The following PSME4 variants were observed in gnomAD, a reference collection of about 807,000 sequenced individuals.
PSME4 encodes the protein proteasome activator complex subunit 4.
In PSME4, 89 loss-of-function variants were observed where a neutral mutation model predicts 253.9. The ratio of observed to expected loss-of-function variants is 0.35; its 90% CI spans 0.30 to 0.42. PSME4 has a LOEUF of 0.42. PSME4 is among the 10% of genes least tolerant of loss of function. The probability of loss-of-function intolerance (pLI) is 1.00; values close to 1 mark genes in which losing one functional copy is unlikely to be tolerated. For missense variants in PSME4, 2,014 were observed against 2,195.2 expected, an observed-to-expected ratio of 0.92 and a Z score of 1.65; for synonymous variants, 851 against 759.2, an observed-to-expected ratio of 1.12 and a Z score of -1.99.
intron 1 of PSME4, among the ~76,000 whole-genome samples, chr2:53,961,590 A>AAC (rs2104488423): frequency 6.6e-6 from 1 of 152,278 alleles, no homozygotes. Context: ...AGATGGGAAG[A>AAC]TCGCTTGAGC....
intron 1 of PSME4, among the ~76,000 whole-genome samples, chr2:53,961,010 G>A (rs955879577): frequency 6.6e-6 from 1 of 152,192 alleles, no homozygotes; most frequent in African/African-American, 2.4e-5. Flanking sequence ...AGGAGGCTGA[G>A]GCAGGAGAAT....
rs1668664090 is a variant in PSME4, at chr2:53,928,320, G to T, written c.1317-17C>A. 1 of 1,602,990 alleles carries T rather than the reference G, an allele frequency of 6.2e-7. No homozygotes were observed. The highest frequency in any genetic ancestry group is 1.7e-5 in the Admixed American group (1 of 59,648). On this transcript the variant is annotated splice_polypyrimidine_tract_variant and intron_variant, in intron 10 of 46. Transcript: ENST00000404125. ...GGATATGTTCTACAGTTTGAAAACA[G>T]AATTTTTAAAGTCTCCATCACAGAT...
At chr2:53,874,231 G>C in intron 43 of PSME4, 108 bp downstream of exon 43, 1 of 1,132,774 alleles carries the variant, frequency 8.8e-7, no homozygotes, top group East Asian at 2.4e-5. Context: ...AAGAGTTGAG[G>C]TTATAAATAT....
chr2:53,898,193 C>T (rs1573238486), intron 30 of PSME4, 108 bp downstream of exon 30: 1 of 1,242,334 alleles, frequency 8.0e-7, no homozygotes, highest in East Asian at 2.5e-5. Context: ...AATACACAAA[C>T]CGGAATATAA....
intron 35 of PSME4, among the ~76,000 whole-genome samples, chr2:53,893,333 C>T (rs1423861407): frequency 6.6e-6 from 1 of 151,916 alleles, no homozygotes; most frequent in African/African-American, 2.4e-5. Flanking sequence ...GATCCCCACC[C>T]CAAAATACCA....
At chr2:53,960,467 G>A (rs890715844) in intron 1 of PSME4, among the ~76,000 whole-genome samples, 10 of 150,876 alleles carry the variant, frequency 6.6e-5, no homozygotes, top group East Asian at 1.9e-4. Flanking sequence ...TGCATATTTC[G>A]GTGGCAAGGA....
intron 1 of PSME4, among the ~76,000 whole-genome samples, chr2:53,964,592 TA>T (rs1670631946): frequency 6.6e-6 from 1 of 152,244 alleles, no homozygotes; most frequent in South Asian, 2.1e-4. Context: ...CATTTACAAA[TA>T]AAACCACTTG....
intron 1 of PSME4, among the ~76,000 whole-genome samples, chr2:53,965,011 T>C (rs1670649259): frequency 2.0e-5 from 3 of 152,144 alleles, no homozygotes. Flanking sequence ...CATGTCACTG[T>C]AGCAAACAGG....
At chr2:53,944,126 G>A (rs1455919186) in intron 3 of PSME4, among the ~76,000 whole-genome samples, 1 of 152,068 alleles carries the variant, frequency 6.6e-6, no homozygotes, top group African/African-American at 2.4e-5. Flanking sequence ...CAACTTTTGT[G>A]AGAAACACTA....
At chr2:53,900,787 C>A (rs1483274886) in intron 28 of PSME4, among the ~76,000 whole-genome samples, 1 of 152,046 alleles carries the variant, frequency 6.6e-6, no homozygotes, top group Non-Finnish European at 1.5e-5. Flanking sequence ...AGATGTCAAC[C>A]ATAGTCACGC....
Position 53,920,236 on chromosome 2 carries a change from C to A in PSME4, c.2377G>T (p.Val793Phe), listed in dbSNP as rs141100003. The A allele has an allele frequency of 6.2e-7, 1 of 1,613,022 alleles. No homozygotes were observed. The highest frequency in any genetic ancestry group is 1.3e-5 in the African/African-American group (1 of 74,874). Residue 793 changes from valine (V) to phenylalanine (F), a missense_variant, in exon 19 of 47, where the codon GTC becomes TTC. Coordinates refer to ENST00000404125, the MANE Select transcript of PSME4 (RefSeq NM_014614.3). Reference sequence around the variant, plus strand: ...CCATCCCCACAATGCTGGAGTTTGACGAGCTCAGGCTGAAGAAAGGAGTCC... The same window carrying A: ...CCATCCCCACAATGCTGGAGTTTGAAGAGCTCAGGCTGAAGAAAGGAGTCC... ...LLDSFLQPEL[V>F]KLQHCGDGKL...
At chr2:53,914,798 T>C (rs1468020003) in intron 20 of PSME4, among the ~76,000 whole-genome samples, 2 of 152,068 alleles carry the variant, frequency 1.3e-5, no homozygotes, top group Non-Finnish European at 2.9e-5. Context: ...GGAGAATCAC[T>C]TGAACCTGGG....
intron 44 of PSME4, among the ~76,000 whole-genome samples, chr2:53,867,510 A>AAG (rs1678625018): frequency 6.7e-6 from 1 of 150,314 alleles, no homozygotes; most frequent in Non-Finnish European, 1.5e-5. Flanking sequence ...AGGAAAAAAA[A>AAG]AAAAAAAAAA....
In PSME4 at chr2:53,893,585, T is replaced by C. The variant is rs534428536; in HGVS notation, c.4038+89A>G. 9.6e-6 allele frequency: 15 copies of C among 1,561,122 alleles called. No homozygotes were observed. In the East Asian group the frequency reaches 3.3e-4, roughly 34 times the overall value. ...GCCATTTTAGATCAAGGCAGATGGCTAGCTTTGATCAAATATTTATAAGTT... is the reference window on the plus strand; with the variant it reads ...GCCATTTTAGATCAAGGCAGATGGCCAGCTTTGATCAAATATTTATAAGTT... On this transcript the variant is annotated intron_variant, in intron 35 of 46. Transcript: ENST00000404125.
chr2:53,874,930 C>A (rs1221432336), intron 42 of PSME4, among the ~76,000 whole-genome samples: 1 of 152,064 alleles, frequency 6.6e-6, no homozygotes, highest in Non-Finnish European at 1.5e-5. Context: ...GGCAGCAGAG[C>A]GAACTCTGTC....
Position 53,970,913 on chromosome 2 carries a change from T to G in PSME4, c.-129A>C. 1.4e-6 allele frequency: 1 copy of G among 734,136 alleles called. No homozygotes were observed. The highest frequency in any genetic ancestry group is 2.0e-6 in the Non-Finnish European group (1 of 494,594). The allele number at this position is 734,136 out of a possible 1,614,324, so 45.5% of individuals were successfully genotyped here. ...TGGCGGCCCGTCGCCCTCGGACCGA[T>G]CGCTAGGCCCCCTTCCCTGGCCGGC... On this transcript the variant is annotated 5_prime_UTR_variant, in exon 1 of 47. Transcript: ENST00000404125.
chr2:53,958,957 CAT>C (rs1319262095), intron 1 of PSME4, among the ~76,000 whole-genome samples: 1 of 152,018 alleles, frequency 6.6e-6, no homozygotes, highest in Non-Finnish European at 1.5e-5. Context: ...GCAGGAATTA[CAT>C]GTTAAAACTT....
intron 3 of PSME4, among the ~76,000 whole-genome samples, chr2:53,943,783 G>A (rs186608875): frequency 4.0e-5 from 6 of 148,618 alleles, no homozygotes; most frequent in Non-Finnish European, 7.4e-5. Flanking sequence ...CGGAGGTTGC[G>A]GTGAGTCCAG....
intron 20 of PSME4, among the ~76,000 whole-genome samples, chr2:53,913,332 A>C (rs1485067130): frequency 1.3e-5 from 2 of 152,236 alleles, no homozygotes; most frequent in African/African-American, 2.4e-5. Flanking sequence ...TGATTAGAGC[A>C]GGACTATGAA....
Sources: allele counts gnomAD v4.1 joint callset (sites outside exome capture counted in the v4.1 genomes callset), GRCh38; gene constraint gnomAD v4.1.1; transcripts MANE v1.5; gene names NCBI Gene and HGNC (gene_info 2026-07-23, HGNC 2026-07-21).